GRIK4: variants seen among roughly 807,000 people sequenced by gnomAD.
The protein encoded by GRIK4 is glutamate ionotropic receptor kainate type subunit 4, also known as glutamate receptor ionotropic, kainate 4.
A neutral mutation model predicts 104.9 loss-of-function variants in GRIK4; 40 were observed. The observed-to-expected ratio is 0.38, with a 90% confidence interval of 0.30 to 0.50. The LOEUF is 0.50. GRIK4 is among the 20% of genes least tolerant of loss of function. The pLI, the probability that GRIK4 is intolerant of heterozygous loss-of-function variation, is 0.93. For synonymous variants in GRIK4, 485 were observed against 524.9 expected (o/e 0.92, Z 1.04); for missense variants, 1,047 against 1,308.1 (o/e 0.80, Z 3.08).
intron 4 of GRIK4, among the ~76,000 whole-genome samples, chr11:120,810,671 G>T (rs1952811284): frequency 6.6e-6 from 1 of 152,170 alleles, no homozygotes; most frequent in South Asian, 2.1e-4. Flanking sequence ...CAATAAAATG[G>T]ATAGGGTGAC....
chr11:120,516,234 C>T (rs949730755), intron 1 of GRIK4, among the ~76,000 whole-genome samples: 1 of 152,184 alleles, frequency 6.6e-6, no homozygotes, highest in African/African-American at 2.4e-5. Flanking sequence ...CACACCAAGA[C>T]ACCCGGTCTC....
chr11:120,706,533 G>GA (rs893975542), intron 3 of GRIK4, among the ~76,000 whole-genome samples: 4 of 152,194 alleles, frequency 2.6e-5, no homozygotes, highest in African/African-American at 7.2e-5. Flanking sequence ...TAGAGAATGG[G>GA]ATGGATGGCT....
chr11:120,961,698 GA>G, intron 17 of GRIK4, among the ~76,000 whole-genome samples: 1 of 152,238 alleles, frequency 6.6e-6, no homozygotes, highest in Non-Finnish European at 1.5e-5. Flanking sequence ...CGCCAAGACT[GA>G]CAGCCAGACC....
chr11:120,520,926 G>A (rs530539755), intron 1 of GRIK4, among the ~76,000 whole-genome samples: 1 of 152,278 alleles, frequency 6.6e-6, no homozygotes, highest in East Asian at 1.9e-4. Flanking sequence ...TCTTTTTGGA[G>A]GCAGCAGAGG....
chr11:120,847,684 C>CT (rs1953882381), intron 8 of GRIK4, among the ~76,000 whole-genome samples: 1 of 152,200 alleles, frequency 6.6e-6, no homozygotes, highest in Non-Finnish European at 1.5e-5. Context: ...TGGGGAGAAC[C>CT]TTTCAGAACT....
chr11:120,722,624 A>G (rs1357812529), intron 3 of GRIK4, among the ~76,000 whole-genome samples: 3 of 152,068 alleles, frequency 2.0e-5, no homozygotes, highest in Non-Finnish European at 2.9e-5. Flanking sequence ...AAAAAAAAAA[A>G]AAGATTTTGG....
intron 1 of GRIK4, among the ~76,000 whole-genome samples, chr11:120,626,436 C>T (rs1162898910): frequency 6.6e-6 from 1 of 152,170 alleles, no homozygotes; most frequent in Admixed American, 6.5e-5. Flanking sequence ...CGCTTCCCTA[C>T]CCTTAGACGA....
chr11:120,945,306 ACTT>A (rs772717813), intron 14 of GRIK4, among the ~76,000 whole-genome samples: 7 of 152,130 alleles, frequency 4.6e-5, no homozygotes, highest in African/African-American at 7.2e-5. Flanking sequence ...CTCTGCCTAT[ACTT>A]CTATTACAAC....
At chr11:120,655,119 C>T (rs923590253) in intron 2 of GRIK4, among the ~76,000 whole-genome samples, 1 of 151,932 alleles carries the variant, frequency 6.6e-6, no homozygotes, top group African/African-American at 2.4e-5. Flanking sequence ...AGATAGGGTG[C>T]TGGGTACTTG....
chr11:120,649,696 A>G (rs1949592874), intron 1 of GRIK4, among the ~76,000 whole-genome samples: 1 of 152,222 alleles, frequency 6.6e-6, no homozygotes, highest in Admixed American at 6.5e-5. Flanking sequence ...GTTGCAGCAC[A>G]CACACCCTCA....
At position 120,787,850 on chromosome 11, in the gene GRIK4, T is replaced by C. The variant is rs867651740; in HGVS notation, c.83-14843T>C. 3.9e-3 allele frequency among the ~76,000 whole-genome samples: 358 copies of C among 91,666 alleles called. 4 individuals are homozygous for C. Among genetic ancestry groups the C allele is most frequent in the African/African-American group, 0.012 (337 of 27,226 alleles). 60.1% of individuals were successfully genotyped at this position (91,666 alleles called of 152,430 possible). ...TATTTCTTCTCTTTTTTCTTTTCTTTTCTTTTTTTTTTTTTTTTTTTTTTT... is the reference window on the plus strand; with the variant it reads ...TATTTCTTCTCTTTTTTCTTTTCTTCTCTTTTTTTTTTTTTTTTTTTTTTT... On this transcript the variant is annotated intron_variant, in intron 3 of 20. Transcript: ENST00000527524.
In GRIK4 at chr11:120,988,501, G is replaced by A. The variant is rs896084316; in HGVS notation, c.*2241G>A. 3.3e-5 allele frequency: 5 copies of A among 152,164 alleles called. No individual in the cohort carries two copies. 9.4% of individuals were successfully genotyped at this position (152,164 alleles called of 1,614,324 possible). ...TTTTTAATGGATTAGTGAAATAAAT[G>A]TCCCCATGCATCATTTATAGTCTGT... is the stretch of plus-strand genomic sequence containing the variant. On this transcript the variant is annotated 3_prime_UTR_variant, in exon 21 of 21. Transcript: ENST00000527524.
intron 4 of GRIK4, among the ~76,000 whole-genome samples, chr11:120,805,265 A>C (rs1459745997): frequency 6.6e-6 from 1 of 152,096 alleles, no homozygotes. Flanking sequence ...AGATTTCTAA[A>C]TAGTTCAGTA....
chr11:120,784,144 T>C (rs1952216751), intron 3 of GRIK4, among the ~76,000 whole-genome samples: 1 of 152,198 alleles, frequency 6.6e-6, no homozygotes, highest in African/African-American at 2.4e-5. Flanking sequence ...TGATGAGAGA[T>C]TATCTGAATA....
chr11:120,954,864 A>C (rs1944104830), intron 15 of GRIK4, among the ~76,000 whole-genome samples: 1 of 151,138 alleles, frequency 6.6e-6, no homozygotes, highest in African/African-American at 2.4e-5. Flanking sequence ...TTCTGTCTTA[A>C]GGTAGTGATT....
chr11:120,611,538 T>C (rs964930596), intron 1 of GRIK4, among the ~76,000 whole-genome samples: 1 of 152,186 alleles, frequency 6.6e-6, no homozygotes, highest in Non-Finnish European at 1.5e-5. Flanking sequence ...GTTACTGTTA[T>C]CATCATGATT....
At chr11:120,966,394 G>A (rs976854643) in intron 18 of GRIK4, among the ~76,000 whole-genome samples, 1 of 152,164 alleles carries the variant, frequency 6.6e-6, no homozygotes, top group Non-Finnish European at 1.5e-5. Flanking sequence ...TTTTGAAACG[G>A]AGTCCTCACA....
chr11:120,942,507 G>A (rs147352391), intron 14 of GRIK4, among the ~76,000 whole-genome samples: 134 of 152,296 alleles, frequency 8.8e-4, no homozygotes, highest in African/African-American at 3.1e-3. Context: ...CCTTCCTGGT[G>A]ACTCAGTGGC....
intron 3 of GRIK4, among the ~76,000 whole-genome samples, chr11:120,760,434 C>CACATAT (rs1555056944): frequency 1.4e-5 from 2 of 146,418 alleles, no homozygotes; most frequent in African/African-American, 5.0e-5. Context: ...CATATATATA[C>CACATAT]ATATATATAT....
Sources: allele counts gnomAD v4.1 joint callset (sites outside exome capture counted in the v4.1 genomes callset), GRCh38; gene constraint gnomAD v4.1.1; transcripts MANE v1.5; gene names NCBI Gene and HGNC (gene_info 2026-07-23, HGNC 2026-07-21).